CBLB: variants seen among roughly 807,000 people sequenced by gnomAD.
The protein encoded by CBLB is Cbl proto-oncogene B.
In CBLB, 31 loss-of-function variants were observed where a neutral mutation model predicts 104.9. That is an observed-to-expected ratio of 0.30 (90% CI 0.22 to 0.40). The LOEUF (loss-of-function observed/expected upper bound fraction) is 0.40. CBLB is among the 10% of genes least tolerant of loss of function. The pLI is 1.00. For missense variants in CBLB, 1,062 were observed against 1,214.6 expected, an observed-to-expected ratio of 0.87 and a Z score of 1.87; for synonymous variants, 440 against 422.6, an observed-to-expected ratio of 1.04 and a Z score of -0.51.
At chr3:105,861,712 T>TAC (rs147976333) in intron 2 of CBLB, among the ~76,000 whole-genome samples, 1,406 of 138,962 alleles carry the variant, frequency 0.01, 17 homozygotes, top group African/African-American at 0.028. Context: ...CACACATACA[T>TAC]ACACACACAC....
chr3:105,860,790 C>T (rs1186349667), intron 2 of CBLB, among the ~76,000 whole-genome samples: 1 of 152,112 alleles, frequency 6.6e-6, no homozygotes, highest in Non-Finnish European at 1.5e-5. Flanking sequence ...CATAAAGTTA[C>T]TCATGCTGCC....
intron 3 of CBLB, among the ~76,000 whole-genome samples, chr3:105,805,349 C>A (rs192153311): frequency 6.7e-6 from 1 of 149,380 alleles, no homozygotes; most frequent in East Asian, 2.0e-4. Flanking sequence ...GTCACCCAGG[C>A]TGGGATGCCC....
intron 9 of CBLB, among the ~76,000 whole-genome samples, chr3:105,730,771 A>G (rs558170927): frequency 6.6e-6 from 1 of 152,274 alleles, no homozygotes; most frequent in South Asian, 2.1e-4. Flanking sequence ...TGATCAGATT[A>G]AGACAATAAC....
chr3:105,819,467 A>G (rs1012197898), intron 3 of CBLB, among the ~76,000 whole-genome samples: 3 of 151,922 alleles, frequency 2.0e-5, no homozygotes, highest in Non-Finnish European at 2.9e-5. Flanking sequence ...AGCCTGGGCA[A>G]CAGAGCAAGA....
rs191278799 is a variant in CBLB at position 105,703,278 on chromosome 3, G to A, written c.1593+710C>T. Among the ~76,000 whole-genome samples the A allele has an allele frequency of 2.0e-4, 31 of 152,170 alleles. No individual in the cohort carries two copies. In the East Asian group the frequency reaches 4.8e-3, roughly 24 times the overall value. On this transcript the variant is annotated intron_variant, in intron 11 of 18. Coordinates refer to ENST00000394030, the MANE Select transcript of CBLB (RefSeq NM_170662.5). ...CTAATAATGTGTGATCTTAAAACCA[G>A]GTTAACTGGTAATACAGGAAAATCA... is the stretch of plus-strand genomic sequence containing the variant.
chr3:105,669,681 AC>A (rs1456914023), intron 18 of CBLB, among the ~76,000 whole-genome samples: 1 of 152,188 alleles, frequency 6.6e-6, no homozygotes, highest in Non-Finnish European at 1.5e-5. Context: ...AAAGAAAATA[AC>A]TGCAGAAGAT....
At chr3:105,665,484 T>C (rs2064335340) in intron 18 of CBLB, among the ~76,000 whole-genome samples, 1 of 146,134 alleles carries the variant, frequency 6.8e-6, no homozygotes, top group African/African-American at 2.5e-5. Context: ...CACACATATA[T>C]ATATTTCAGA....
chr3:105,769,866 C>T lies in CBLB; in HGVS notation c.566+6530G>A, dbSNP rs531408652. ...CTGCTTTTTAGACAGCTCACTGGTC[C>T]CCTAAGAACAATAGGATAGGTTGTT... is the stretch of plus-strand genomic sequence containing the variant. On this transcript the variant is annotated intron_variant, in intron 4 of 18. Transcript: ENST00000394030. 1.9e-4 allele frequency among the ~76,000 whole-genome samples: 29 copies of T among 152,158 alleles called. No homozygotes were observed. In the South Asian group the frequency reaches 6.0e-3, roughly 32 times the overall value.
At chr3:105,740,047 G>A (rs2075370541) in intron 7 of CBLB, among the ~76,000 whole-genome samples, 1 of 152,244 alleles carries the variant, frequency 6.6e-6, no homozygotes, top group African/African-American at 2.4e-5. Context: ...AGGTTGCAGT[G>A]AGCAGAGATT....
intron 3 of CBLB, among the ~76,000 whole-genome samples, chr3:105,790,270 A>G (rs2081486684): frequency 6.6e-6 from 1 of 152,240 alleles, no homozygotes; most frequent in Admixed American, 6.5e-5. Context: ...AAAATAGAGG[A>G]AAAAGTGCTA....
intron 10 of CBLB, among the ~76,000 whole-genome samples, chr3:105,716,932 C>G (rs560979483): frequency 6.6e-6 from 1 of 152,084 alleles, no homozygotes; most frequent in Non-Finnish European, 1.5e-5. Flanking sequence ...CACCAGTGTG[C>G]CAGAGAGAAT....
intron 3 of CBLB, among the ~76,000 whole-genome samples, chr3:105,828,339 T>C (rs531208124): frequency 6.6e-6 from 1 of 152,250 alleles, no homozygotes; most frequent in East Asian, 1.9e-4. Context: ...TATATAATGA[T>C]AGGAAAGGGA....
At chr3:105,863,075 A>G (rs1057440172) in intron 2 of CBLB, among the ~76,000 whole-genome samples, 2 of 152,242 alleles carry the variant, frequency 1.3e-5, no homozygotes, top group Non-Finnish European at 2.9e-5. Context: ...TTCTAAAAAG[A>G]AGAAAGAAAT....
intron 2 of CBLB, among the ~76,000 whole-genome samples, chr3:105,854,655 C>T (rs747303389): frequency 3.3e-5 from 5 of 149,746 alleles, no homozygotes; most frequent in East Asian, 2.0e-4. Flanking sequence ...TTTTTTAAGA[C>T]GGAGTCTCAT....
At chr3:105,740,061 C>T (rs1422303750) in intron 7 of CBLB, among the ~76,000 whole-genome samples, 3 of 152,064 alleles carry the variant, frequency 2.0e-5, no homozygotes, top group African/African-American at 7.2e-5. Flanking sequence ...AGAGATTGTG[C>T]CACTGCACTC....
At chr3:105,805,757 C>T (rs1018959825) in intron 3 of CBLB, among the ~76,000 whole-genome samples, 8 of 152,238 alleles carry the variant, frequency 5.3e-5, no homozygotes, top group Middle Eastern at 3.4e-3. Flanking sequence ...AAACTATCTC[C>T]AGTCCCCGAA....
chr3:105,856,890 T>C (rs1396916851), intron 2 of CBLB, among the ~76,000 whole-genome samples: 1 of 152,180 alleles, frequency 6.6e-6, no homozygotes, highest in African/African-American at 2.4e-5. Context: ...GTCCCAAATA[T>C]GCCAATTATT....
chr3:105,835,099 A>G (rs1236514891), intron 3 of CBLB, among the ~76,000 whole-genome samples: 1 of 152,230 alleles, frequency 6.6e-6, no homozygotes, highest in African/African-American at 2.4e-5. Flanking sequence ...TTTAACTGCA[A>G]AAAGGAATTG....
At chr3:105,750,176 G>A (rs532073262) in intron 5 of CBLB, among the ~76,000 whole-genome samples, 92 of 152,018 alleles carry the variant, frequency 6.1e-4, no homozygotes, top group African/African-American at 2.1e-3. Flanking sequence ...TCATCACCAC[G>A]CCCAGCTAAT....
Sources: gnomAD v4.1 joint callset for allele counts (sites outside exome capture counted in the v4.1 genomes callset) on GRCh38, gnomAD v4.1.1 for gene constraint, MANE v1.5 for transcripts, NCBI Gene and HGNC (gene_info 2026-07-23, HGNC 2026-07-21) for gene names.